CGNL1: variants seen among roughly 807,000 people sequenced by gnomAD.
CGNL1 encodes cingulin like 1.
In CGNL1, 132 loss-of-function variants were observed where a neutral mutation model predicts 141.2. The ratio of observed to expected loss-of-function variants is 0.93; its 90% CI spans 0.81 to 1.08. The LOEUF (loss-of-function observed/expected upper bound fraction) is 1.08, where lower values mean the gene tolerates loss of function less well. CGNL1 is among the 50% of genes least tolerant of loss of function. CGNL1 has a pLI of 0.00. For missense variants in CGNL1, 1,870 were observed against 1,588.6 expected (o/e 1.18, Z -3.01); for synonymous variants, 690 against 622.1 (o/e 1.11, Z -1.63).
chr15:57,517,699 G>C (rs1195252652), intron 9 of CGNL1, among the ~76,000 whole-genome samples: 3 of 152,338 alleles, frequency 2.0e-5, no homozygotes, highest in Admixed American at 1.3e-4. Flanking sequence ...GTGGGGAACT[G>C]ACTGGCCAGA....
At chr15:57,400,400 T>A (rs2062646965) in intron 1 of CGNL1, among the ~76,000 whole-genome samples, 1 of 152,178 alleles carries the variant, frequency 6.6e-6, no homozygotes, top group South Asian at 2.1e-4. Flanking sequence ...GGGCTAAGGA[T>A]TGTAACTTCC....
At chr15:57,449,265 CT>C (rs1343351929) in intron 4 of CGNL1, among the ~76,000 whole-genome samples, 5 of 152,288 alleles carry the variant, frequency 3.3e-5, no homozygotes, top group Admixed American at 2.0e-4. Flanking sequence ...GTTCTTGGAA[CT>C]TCTTCTGTGG....
At chr15:57,451,086 T>C (rs534906049) in intron 4 of CGNL1, among the ~76,000 whole-genome samples, 69 of 152,372 alleles carry the variant, frequency 4.5e-4, no homozygotes, top group Non-Finnish European at 8.8e-4. Flanking sequence ...TTGATTTCCA[T>C]GCTCTGGAAT....
chr15:57,462,393 G>A (rs754725771), intron 8 of CGNL1, among the ~76,000 whole-genome samples: 8 of 152,166 alleles, frequency 5.3e-5, no homozygotes, highest in Admixed American at 6.5e-5. Context: ...TGGCTGAATT[G>A]CCGAAACCCT....
chr15:57,381,958 T>TC (rs1432058561), intron 1 of CGNL1, among the ~76,000 whole-genome samples: 2 of 152,194 alleles, frequency 1.3e-5, no homozygotes, highest in Admixed American at 6.5e-5. Flanking sequence ...TCTGAACGGG[T>TC]CCCACATCCT....
intron 7 of CGNL1, among the ~76,000 whole-genome samples, chr15:57,456,670 C>G (rs2063382905): frequency 6.6e-6 from 1 of 150,920 alleles, no homozygotes; most frequent in African/African-American, 2.4e-5. Flanking sequence ...GATTATAGAA[C>G]AGGTTTCCAC....
At chr15:57,444,488 C>T (rs770270369) in intron 4 of CGNL1, among the ~76,000 whole-genome samples, 4 of 152,206 alleles carry the variant, frequency 2.6e-5, no homozygotes, top group South Asian at 2.1e-4. Context: ...GTGTTTAACT[C>T]GTAAATTATA....
chr15:57,545,893 C>A (rs1397161158), intron 17 of CGNL1, among the ~76,000 whole-genome samples, 183 bp from the exon 18 acceptor site: 1 of 152,200 alleles, frequency 6.6e-6, no homozygotes, highest in Admixed American at 6.5e-5. Context: ...AAATTCTACA[C>A]CCTGAGTTTG....
At chr15:57,378,681 C>T (rs1261529330) in intron 1 of CGNL1, among the ~76,000 whole-genome samples, 1 of 152,122 alleles carries the variant, frequency 6.6e-6, no homozygotes, top group East Asian at 1.9e-4. Context: ...CCGTGCCCCG[C>T]CTGTATTTTT....
At position 57,541,069 on chromosome 15, in the gene CGNL1, T is replaced by G. The variant is rs761163491; in HGVS notation, c.3292-2627T>G. 1.6e-4 allele frequency among the ~76,000 whole-genome samples: 24 copies of G among 152,334 alleles called. 1 individual carries two copies. Among genetic ancestry groups the G allele is most frequent in the Admixed American group, 7.8e-4 (12 of 15,302 alleles). Reference sequence around the variant, plus strand: ...TAGAGGAGGCACCAGGTTGTGCTTTTATTGTATCATTGGCCAGCTCGGGGG... The same window carrying G: ...TAGAGGAGGCACCAGGTTGTGCTTTGATTGTATCATTGGCCAGCTCGGGGG... On this transcript the variant is annotated intron_variant, in intron 14 of 18. Coordinates refer to ENST00000281282, the MANE Select transcript of CGNL1 (RefSeq NM_032866.5).
intron 8 of CGNL1, among the ~76,000 whole-genome samples, chr15:57,471,632 C>T (rs1314653360): frequency 1.3e-5 from 2 of 152,142 alleles, no homozygotes; most frequent in African/African-American, 4.8e-5. Flanking sequence ...GCCTAGCCTT[C>T]TGGGGGGGCC....
chr15:57,418,306 C>T (rs1053452496), intron 1 of CGNL1, among the ~76,000 whole-genome samples: 10 of 152,152 alleles, frequency 6.6e-5, no homozygotes, highest in Non-Finnish European at 1.3e-4. Flanking sequence ...ATATCTTGTT[C>T]CATATAATTG....
intron 1 of CGNL1, among the ~76,000 whole-genome samples, chr15:57,391,122 A>G (rs1006159680): frequency 6.6e-5 from 10 of 152,196 alleles, no homozygotes; most frequent in African/African-American, 2.4e-4. Context: ...CAGCTCAAAA[A>G]TGGCAGATGA....
At chr15:57,512,674 T>C (rs2030418026) in intron 8 of CGNL1, among the ~76,000 whole-genome samples, 1 of 152,182 alleles carries the variant, frequency 6.6e-6, no homozygotes, top group Non-Finnish European at 1.5e-5. Flanking sequence ...GGTTCCCTTA[T>C]CTAACACGCT....
intron 1 of CGNL1, among the ~76,000 whole-genome samples, chr15:57,380,115 C>A (rs1443329387): frequency 6.6e-6 from 1 of 152,188 alleles, no homozygotes; most frequent in Non-Finnish European, 1.5e-5. Flanking sequence ...TCACTGCAAC[C>A]TCCGCCTCCC....
At chr15:57,422,235 T>C (rs1203674881) in intron 1 of CGNL1, among the ~76,000 whole-genome samples, 1 of 152,192 alleles carries the variant, frequency 6.6e-6, no homozygotes, top group Non-Finnish European at 1.5e-5. Flanking sequence ...TTTTTTTCTT[T>C]TATTGCCTGT....
chr15:57,411,822 C>T (rs2062791675), intron 1 of CGNL1, among the ~76,000 whole-genome samples: 1 of 152,004 alleles, frequency 6.6e-6, no homozygotes, highest in Admixed American at 6.6e-5. Context: ...GGCTCAGCTG[C>T]TGTATAGAGC....
At chr15:57,395,695 C>A (rs768904184) in intron 1 of CGNL1, among the ~76,000 whole-genome samples, 1 of 152,218 alleles carries the variant, frequency 6.6e-6, no homozygotes, top group Non-Finnish European at 1.5e-5. Context: ...ACGTTAAGCA[C>A]GCTATGTGCA....
chr15:57,406,867 G>C (rs2062728899), intron 1 of CGNL1: 1 of 152,238 alleles, frequency 6.6e-6, no homozygotes, highest in African/African-American at 2.4e-5. Flanking sequence ...AAAATACTGA[G>C]TGCTTACCAA....
Sources: gnomAD v4.1 joint callset for allele counts (sites outside exome capture counted in the v4.1 genomes callset) on GRCh38, gnomAD v4.1.1 for gene constraint, MANE v1.5 for transcripts, NCBI Gene and HGNC (gene_info 2026-07-23, HGNC 2026-07-21) for gene names.